The following MARCHF5 variants were observed in gnomAD, a reference collection of about 807,000 sequenced individuals.
MARCHF5 encodes E3 ubiquitin-protein ligase MARCHF5.
Under a neutral mutation model 36.5 loss-of-function variants are expected in MARCHF5, and 5 were observed. The ratio of observed to expected loss-of-function variants is 0.14; its 90% CI spans 0.07 to 0.29. MARCHF5 has a LOEUF of 0.29. MARCHF5 is among the 10% of genes least tolerant of loss of function. The pLI is 1.00. For synonymous variants in MARCHF5, 103 were observed against 109.9 expected, an observed-to-expected ratio of 0.94 and a Z score of 0.39; for missense variants, 179 against 336.3, an observed-to-expected ratio of 0.53 and a Z score of 3.66.
rs909827083 is a variant in MARCHF5 at position 92,313,980 on chromosome 10, G to T, written c.238+2643G>T. On this transcript the variant is annotated intron_variant, in intron 2 of 5. Coordinates refer to ENST00000358935, the MANE Select transcript of MARCHF5 (RefSeq NM_017824.5). The stretch of plus-strand genomic sequence containing the variant: ...GGCTCAGGTGGGTGGATTGCTTGTG[G>T]TTACGAGGTCAGGATCAGCCTAGGC... 8.5e-5 allele frequency among the ~76,000 whole-genome samples: 13 copies of T among 152,116 alleles called. No homozygotes were observed. The South Asian group carries it at 2.7e-3, about 32-fold the overall frequency.
intron 2 of MARCHF5, chr10:92,333,745 T>G (rs1590662953): frequency 1.5e-6 from 1 of 671,386 alleles, no homozygotes; most frequent in East Asian, 1.3e-4. Context: ...TTTATACAGA[T>G]TTAATCAAAG....
rs1269176282 is a variant in MARCHF5, at chr10:92,351,705, C to T, written c.*498C>T. Reference sequence around the variant, plus strand: ...AATTAAATTAGTTATAAATAAATAACCAAAAATGTATGTAAACATTCAAAT... The same window carrying T: ...AATTAAATTAGTTATAAATAAATAATCAAAAATGTATGTAAACATTCAAAT... On this transcript the variant is annotated 3_prime_UTR_variant, in exon 6 of 6. Transcript: ENST00000358935. 1.3e-5 allele frequency: 2 copies of T among 152,368 alleles called. No individual in the cohort carries two copies. The highest frequency in any genetic ancestry group is 4.8e-5 in the African/African-American group (2 of 41,338). The allele number at this position is 152,368 out of a possible 1,614,324, so 9.4% of individuals were successfully genotyped here. A position where few individuals can be genotyped will look rare whatever the true frequency, so the allele number is the denominator to read the frequency against.
At chr10:92,293,853 A>G (rs978885434) in intron 1 of MARCHF5, among the ~76,000 whole-genome samples, 1 of 152,156 alleles carries the variant, frequency 6.6e-6, no homozygotes, top group African/African-American at 2.4e-5. Flanking sequence ...CATTTACTGA[A>G]GTAGGTGACT....
chr10:92,312,966 C>A (rs1024772431), intron 2 of MARCHF5, among the ~76,000 whole-genome samples: 2 of 152,142 alleles, frequency 1.3e-5, no homozygotes, highest in East Asian at 3.9e-4. Flanking sequence ...CTGGGCGTGG[C>A]GGCTCACGCC....
chr10:92,291,817 C>A, intron 1 of MARCHF5, among the ~76,000 whole-genome samples: 1 of 152,144 alleles, frequency 6.6e-6, no homozygotes, highest in Admixed American at 6.5e-5. Context: ...AATTAGTTTT[C>A]CTTACCCTCT....
At chr10:92,326,766 G>A (rs1843365463) in intron 2 of MARCHF5, among the ~76,000 whole-genome samples, 1 of 150,188 alleles carries the variant, frequency 6.7e-6, no homozygotes, top group Non-Finnish European at 1.5e-5. Context: ...TGGAGCAACT[G>A]CAATATCTCA....
chr10:92,310,504 G>C (rs1298966546), intron 1 of MARCHF5, among the ~76,000 whole-genome samples: 1 of 151,722 alleles, frequency 6.6e-6, no homozygotes, highest in Non-Finnish European at 1.5e-5. Flanking sequence ...GATACTTCTA[G>C]ATTTCAGATT....
At chr10:92,301,839 A>T (rs893023943) in intron 1 of MARCHF5, among the ~76,000 whole-genome samples, 1 of 152,180 alleles carries the variant, frequency 6.6e-6, no homozygotes, top group Non-Finnish European at 1.5e-5. Flanking sequence ...CAGGCGGATC[A>T]TCTGAGGTCA....
chr10:92,291,618 C>T, intron 1 of MARCHF5, 89 bp downstream of exon 1: 6 of 1,431,962 alleles, frequency 4.2e-6, no homozygotes, highest in Middle Eastern at 2.1e-4. Context: ...GTGAGCAGAA[C>T]CCGGCGTGCC....
chr10:92,296,291 G>C (rs1012331151), intron 1 of MARCHF5, among the ~76,000 whole-genome samples: 1 of 152,052 alleles, frequency 6.6e-6, no homozygotes, highest in African/African-American at 2.4e-5. Flanking sequence ...GTGGAAAGGG[G>C]GGTGATTTTT....
chr10:92,328,823 T>TATATATATATATATATATATA (rs1330052359), intron 2 of MARCHF5, among the ~76,000 whole-genome samples: 1 of 130,770 alleles, frequency 7.6e-6, no homozygotes. Flanking sequence ...ATATATATAT[T>TATATATATATATATATATATA]TTTTTTTTTT....
At chr10:92,308,834 A>G (rs554965944) in intron 1 of MARCHF5, among the ~76,000 whole-genome samples, 6 of 151,516 alleles carry the variant, frequency 4.0e-5, no homozygotes, top group Non-Finnish European at 8.8e-5. Flanking sequence ...CCTCCTGAGT[A>G]GCTGGGACTG....
chr10:92,294,233 G>A (rs1249904047), intron 1 of MARCHF5, among the ~76,000 whole-genome samples: 6 of 152,214 alleles, frequency 3.9e-5, no homozygotes, highest in East Asian at 1.9e-4. Context: ...TATGAAATTC[G>A]AATTTTGCCA....
chr10:92,307,024 A>G (rs961201926), intron 1 of MARCHF5, among the ~76,000 whole-genome samples: 1 of 152,142 alleles, frequency 6.6e-6, no homozygotes, highest in Admixed American at 6.5e-5. Flanking sequence ...AAAAAAGGGC[A>G]GGGGAGGGGG....
chr10:92,331,732 C>T (rs1282637649), intron 2 of MARCHF5, among the ~76,000 whole-genome samples: 1 of 151,140 alleles, frequency 6.6e-6, no homozygotes, highest in East Asian at 1.9e-4. Context: ...TTTCCCTTGG[C>T]ATAAATTATA....
intron 4 of MARCHF5, 33 bp from the exon 5 acceptor site, chr10:92,349,638 T>A: frequency 6.2e-7 from 1 of 1,605,624 alleles, no homozygotes; most frequent in Middle Eastern, 1.7e-4. Flanking sequence ...TTCTGATTTA[T>A]TAGCACTAAC....
intron 2 of MARCHF5, among the ~76,000 whole-genome samples, chr10:92,336,356 C>T (rs1843502140): frequency 6.6e-6 from 1 of 152,002 alleles, no homozygotes; most frequent in Non-Finnish European, 1.5e-5. Flanking sequence ...TTTTCCGATG[C>T]AAAAATCAGC....
At position 92,351,373 on chromosome 10, in the gene MARCHF5, A is replaced by G; in HGVS notation, c.*166A>G. 1 of 496,660 alleles carries G rather than the reference A, an allele frequency of 2.0e-6. No individual in the cohort carries two copies. Among genetic ancestry groups the G allele is most frequent in the Non-Finnish European group, 3.5e-6 (1 of 282,860 alleles). 30.8% of individuals were successfully genotyped at this position (496,660 alleles called of 1,614,324 possible). On this transcript the variant is annotated 3_prime_UTR_variant, in exon 6 of 6. Coordinates refer to ENST00000358935, the MANE Select transcript of MARCHF5 (RefSeq NM_017824.5). ...GGCAGGGGAAATCATCTCGGTAATC[A>G]TGGAACCTAAGGATGTGATTTGTTT...
At chr10:92,328,821 A>ATATATATATATATT (rs372130854) in intron 2 of MARCHF5, among the ~76,000 whole-genome samples, 116 of 122,400 alleles carry the variant, frequency 9.5e-4, no homozygotes, top group African/African-American at 3.1e-3. Flanking sequence ...ATATATATAT[A>ATATATATATATATT]TTTTTTTTTT....
Sources: allele counts gnomAD v4.1 joint callset (sites outside exome capture counted in the v4.1 genomes callset), GRCh38; gene constraint gnomAD v4.1.1; transcripts MANE v1.5; gene names NCBI Gene and HGNC (gene_info 2026-07-23, HGNC 2026-07-21).